Variants in PAG1 observed in about 807,000 individuals in gnomAD.
The protein encoded by PAG1 is phosphoprotein membrane anchor with glycosphingolipid microdomains 1, also known as phosphoprotein associated with glycosphingolipid-enriched microdomains 1.
A neutral mutation model predicts 31.7 loss-of-function variants in PAG1; 23 were observed. That is an observed-to-expected ratio of 0.73 (90% CI 0.52 to 1.03). The LOEUF is 1.03. Ranked by LOEUF, PAG1 falls within the 50% of genes least tolerant of loss-of-function variation. The pLI, the probability that PAG1 is intolerant of heterozygous loss-of-function variation, is 0.00. For missense variants in PAG1, 473 were observed against 540.7 expected, an observed-to-expected ratio of 0.87 and a Z score of 1.24; for synonymous variants, 214 against 210.3, an observed-to-expected ratio of 1.02 and a Z score of -0.15.
chr8:80,995,133 T>G (rs187585967), intron 3 of PAG1, among the ~76,000 whole-genome samples: 1 of 152,204 alleles, frequency 6.6e-6, no homozygotes, highest in African/African-American at 2.4e-5. Flanking sequence ...TATTTGAATA[T>G]TCAAAGTTAA....
chr8:81,079,059 C>A (rs1340832129), intron 1 of PAG1, among the ~76,000 whole-genome samples: 4 of 152,142 alleles, frequency 2.6e-5, no homozygotes, highest in African/African-American at 9.7e-5. Context: ...TGCCAGGACT[C>A]AACCTTTGCA....
At position 81,048,407 on chromosome 8, in the gene PAG1, C is replaced by T. The variant is rs16908472; in HGVS notation, c.-174-18318G>A. Among the ~76,000 whole-genome samples the T allele has an allele frequency of 5.1e-3, 772 of 152,202 alleles. 5 individuals are homozygous for T. Among genetic ancestry groups the T allele is most frequent in the African/African-American group, 0.017 (710 of 41,518 alleles). ...TCTAATGGGCAATTTGGGGAAGCATCTCCTGGACTCAGCTCTTGCCTTCTC... is the reference window on the plus strand; with the variant it reads ...TCTAATGGGCAATTTGGGGAAGCATTTCCTGGACTCAGCTCTTGCCTTCTC... On this transcript the variant is annotated intron_variant, in intron 2 of 8. Transcript: ENST00000220597.
chr8:81,020,308 AGATTTGGGAGGGGCCAGGGGTAGAAT>A (rs1168668865), intron 3 of PAG1, among the ~76,000 whole-genome samples: 1 of 152,134 alleles, frequency 6.6e-6, no homozygotes, highest in Non-Finnish European at 1.5e-5. Flanking sequence ...TGAGGACATG[AGATTTGGGAGGGGCCAGGGGTAGAAT>A]GATATGGTTT....
At chr8:81,094,537 C>T (rs1417904466) in intron 1 of PAG1, among the ~76,000 whole-genome samples, 3 of 152,138 alleles carry the variant, frequency 2.0e-5, no homozygotes, top group Non-Finnish European at 4.4e-5. Context: ...TAAAATTATG[C>T]TACCCCTTAA....
chr8:80,988,836 G>A (rs1194663589), intron 5 of PAG1, among the ~76,000 whole-genome samples: 1 of 152,224 alleles, frequency 6.6e-6, no homozygotes, highest in Non-Finnish European at 1.5e-5. Flanking sequence ...TGCAGGGATA[G>A]AATGTGTAGA....
intron 2 of PAG1, among the ~76,000 whole-genome samples, chr8:81,065,799 A>G (rs1371078140): frequency 2.0e-5 from 3 of 151,070 alleles, no homozygotes; most frequent in South Asian, 4.1e-4. Flanking sequence ...ATATATATGT[A>G]TATATATGCA....
intron 3 of PAG1, among the ~76,000 whole-genome samples, chr8:81,009,555 G>A (rs1187533646): frequency 5.3e-5 from 8 of 152,072 alleles, no homozygotes; most frequent in South Asian, 4.1e-4. Flanking sequence ...TCAAACCAAC[G>A]GTATCCTAAA....
intron 1 of PAG1, among the ~76,000 whole-genome samples, chr8:81,084,195 C>T (rs1191374670): frequency 1.3e-5 from 2 of 152,096 alleles, no homozygotes; most frequent in African/African-American, 4.8e-5. Context: ...GTTTTATGAA[C>T]AATGTCTAGG....
intron 2 of PAG1, among the ~76,000 whole-genome samples, chr8:81,036,576 G>A (rs1266024918): frequency 1.3e-5 from 2 of 152,132 alleles, no homozygotes. Context: ...CAATGACACA[G>A]CAATTAAAGA....
chr8:81,066,940 C>T (rs1160674339), intron 2 of PAG1, among the ~76,000 whole-genome samples: 3 of 152,022 alleles, frequency 2.0e-5, no homozygotes, highest in Non-Finnish European at 4.4e-5. Context: ...GTGGGAGGCT[C>T]GCTTGAGCCC....
chr8:80,979,419 C>T (rs1233470107), intron 8 of PAG1, among the ~76,000 whole-genome samples: 5 of 152,090 alleles, frequency 3.3e-5, no homozygotes, highest in African/African-American at 1.2e-4. Context: ...GGAGGTGCAA[C>T]TGATGGGTCT....
At chr8:80,980,864 T>G (rs1055012958) in intron 7 of PAG1, among the ~76,000 whole-genome samples, 2 of 152,226 alleles carry the variant, frequency 1.3e-5, no homozygotes, top group African/African-American at 2.4e-5. Context: ...ATTTTATACT[T>G]CTACAGTTTG....
chr8:81,062,789 C>T (rs1173236193), intron 2 of PAG1, among the ~76,000 whole-genome samples: 1 of 152,140 alleles, frequency 6.6e-6, no homozygotes, highest in African/African-American at 2.4e-5. Flanking sequence ...GGTGATCCTC[C>T]CACCTCGGCC....
At chr8:81,050,458 T>G (rs546800547) in intron 2 of PAG1, among the ~76,000 whole-genome samples, 2 of 152,272 alleles carry the variant, frequency 1.3e-5, no homozygotes, top group South Asian at 4.1e-4. Context: ...CACAGAGATC[T>G]GAGGTTCCAG....
chr8:80,999,634 C>T (rs549998526), intron 3 of PAG1, among the ~76,000 whole-genome samples: 1 of 152,356 alleles, frequency 6.6e-6, no homozygotes, highest in South Asian at 2.1e-4. Flanking sequence ...TTTTTGTACA[C>T]ACCAAACCTA....
At chr8:81,054,321 AC>A (rs1433245490) in intron 2 of PAG1, among the ~76,000 whole-genome samples, 1 of 152,162 alleles carries the variant, frequency 6.6e-6, no homozygotes, top group African/African-American at 2.4e-5. Context: ...AGGTTATTTA[AC>A]CTCTGAGGCT....
chr8:81,101,259 A>G (rs956215994), intron 1 of PAG1, among the ~76,000 whole-genome samples: 16 of 152,192 alleles, frequency 1.1e-4, no homozygotes, highest in African/African-American at 3.9e-4. Context: ...TTTCAATTCT[A>G]CCTCGGACAT....
chr8:81,036,606 T>A (rs1808465331), intron 2 of PAG1, among the ~76,000 whole-genome samples: 1 of 152,190 alleles, frequency 6.6e-6, no homozygotes, highest in Non-Finnish European at 1.5e-5. Context: ...AGACAATGCA[T>A]ATGGGCTATG....
chr8:81,009,554 C>A (rs558921863), intron 3 of PAG1, among the ~76,000 whole-genome samples: 2 of 152,136 alleles, frequency 1.3e-5, no homozygotes, highest in Non-Finnish European at 2.9e-5. Flanking sequence ...ATCAAACCAA[C>A]GGTATCCTAA....
Sources: gnomAD v4.1 joint callset for allele counts (sites outside exome capture counted in the v4.1 genomes callset) on GRCh38, gnomAD v4.1.1 for gene constraint, MANE v1.5 for transcripts, NCBI Gene and HGNC (gene_info 2026-07-23, HGNC 2026-07-21) for gene names.